The following GRM5 variants were observed in gnomAD, a reference collection of about 807,000 sequenced individuals.
GRM5 encodes metabotropic glutamate receptor 5.
In GRM5, 19 loss-of-function variants were observed where a neutral mutation model predicts 83.1. The ratio of observed to expected loss-of-function variants is 0.23; its 90% confidence interval spans 0.16 to 0.34. The LOEUF is 0.34. Ranked by LOEUF, GRM5 falls within the 10% of genes least tolerant of loss-of-function variation. The probability of loss-of-function intolerance (pLI) is 1.00; values close to 1 mark genes in which losing one functional copy is unlikely to be tolerated. For missense variants in GRM5, 1,160 were observed against 1,588.3 expected, an observed-to-expected ratio of 0.73 and a Z score of 4.58; for synonymous variants, 675 against 633.6, an observed-to-expected ratio of 1.07 and a Z score of -0.98.
intron 8 of GRM5, among the ~76,000 whole-genome samples, chr11:88,536,397 G>T (rs7944579): frequency 0.036 from 5,541 of 152,194 alleles, 352 homozygotes; most frequent in African/African-American, 0.12. Context: ...GTTCTTTCCA[G>T]CCACCATCTT....
rs373743176 is a variant in GRM5 at position 88,513,630 on chromosome 11, G to A, written c.2727-4126C>T. Among the ~76,000 whole-genome samples the A allele has an allele frequency of 1.9e-4, 29 of 152,096 alleles. No individual in the cohort carries two copies. The East Asian group carries it at 5.0e-3, about 26-fold the overall frequency. ...AATTGCTCAGTGGTGAAATCTCATC[G>A]AGGCAGTAGTGATAGTGGAAAGAAA... On this transcript the variant is annotated intron_variant, in intron 9 of 9. Transcript: ENST00000305447.
chr11:88,804,230 T>C (rs1220315475), intron 3 of GRM5, among the ~76,000 whole-genome samples: 12 of 147,110 alleles, frequency 8.2e-5, no homozygotes, highest in Non-Finnish European at 8.9e-5. Context: ...TAAAGACACA[T>C]GCACACGTAT....
intron 4 of GRM5, among the ~76,000 whole-genome samples, chr11:88,628,697 G>T (rs112963012): frequency 6.6e-6 from 1 of 152,208 alleles, no homozygotes; most frequent in Non-Finnish European, 1.5e-5. Context: ...GCAGGAGAAA[G>T]GTATATCAAG....
chr11:89,035,479 G>T (rs1380545319), intron 2 of GRM5, among the ~76,000 whole-genome samples: 1 of 151,774 alleles, frequency 6.6e-6, no homozygotes, highest in East Asian at 1.9e-4. Flanking sequence ...TGAAAAGAGG[G>T]TATATAACCA....
chr11:88,666,931 T>C (rs1940059173), intron 3 of GRM5, among the ~76,000 whole-genome samples: 1 of 152,094 alleles, frequency 6.6e-6, no homozygotes, highest in Non-Finnish European at 1.5e-5. Flanking sequence ...AATGAAATGA[T>C]TGAAAACCAG....
chr11:88,879,467 G>A (rs1210305179), intron 2 of GRM5, among the ~76,000 whole-genome samples: 1 of 151,520 alleles, frequency 6.6e-6, no homozygotes, highest in South Asian at 2.1e-4. Context: ...GGCAATGCTA[G>A]TAGAAAAATG....
chr11:88,978,136 G>A (rs1206751015), intron 2 of GRM5, among the ~76,000 whole-genome samples: 4 of 152,044 alleles, frequency 2.6e-5, no homozygotes, highest in African/African-American at 9.7e-5. Context: ...TAAGTCCTAG[G>A]TATTTACTGT....
chr11:88,730,034 T>C (rs978930149), intron 3 of GRM5, among the ~76,000 whole-genome samples: 2 of 151,980 alleles, frequency 1.3e-5, no homozygotes, highest in Non-Finnish European at 2.9e-5. Flanking sequence ...ACAAATGGGA[T>C]CTAATTAAAC....
chr11:88,593,473 C>G (rs968021185), intron 6 of GRM5, among the ~76,000 whole-genome samples: 1 of 151,764 alleles, frequency 6.6e-6, no homozygotes, highest in Non-Finnish European at 1.5e-5. Context: ...GTCAGCAGAT[C>G]GAGACCATCC....
chr11:88,653,293 T>A lies in GRM5; in HGVS notation c.1022A>T (p.Tyr341Phe). The A allele has an allele frequency of 1.2e-6, 2 of 1,613,226 alleles. No individual in the cohort carries two copies. Among genetic ancestry groups the A allele is most frequent in the Non-Finnish European group, 1.7e-6 (2 of 1,179,408 alleles). ...SPDVKWFDDYYLKLRPETNHR... is the reference protein window; with the variant it reads ...SPDVKWFDDYFLKLRPETNHR... Reference sequence around the variant, plus strand: ...GTTTGTTTCTGGCCGGAGCTTCAGATAATAATCATCAAACCACTTGACATC... The same window carrying A: ...GTTTGTTTCTGGCCGGAGCTTCAGAAAATAATCATCAAACCACTTGACATC... Residue 341 changes from tyrosine (Y) to phenylalanine (F), a missense_variant, in exon 4 of 10, where the codon TAT (tyrosine) becomes TTT (phenylalanine). By Grantham distance (22) the Tyr-to-Phe change is conservative. Transcript: ENST00000305447.
At chr11:88,843,565 C>T (rs1944244100) in intron 3 of GRM5, among the ~76,000 whole-genome samples, 1 of 152,088 alleles carries the variant, frequency 6.6e-6, no homozygotes, top group Non-Finnish European at 1.5e-5. Flanking sequence ...CCTAGAGACA[C>T]AACAGTATTG....
At chr11:88,999,259 G>A in intron 2 of GRM5, among the ~76,000 whole-genome samples, 1 of 152,188 alleles carries the variant, frequency 6.6e-6, no homozygotes, top group East Asian at 1.9e-4. Context: ...AAACTAAAGA[G>A]CTTCTGCACA....
intron 3 of GRM5, among the ~76,000 whole-genome samples, chr11:88,722,579 A>C (rs1229976295): frequency 6.6e-6 from 1 of 152,134 alleles, no homozygotes; most frequent in Admixed American, 6.5e-5. Context: ...CAATCTTTAT[A>C]TACTAAGACA....
intron 4 of GRM5, among the ~76,000 whole-genome samples, chr11:88,641,771 G>T (rs1939300498): frequency 6.6e-6 from 1 of 152,192 alleles, no homozygotes; most frequent in Admixed American, 6.5e-5. Flanking sequence ...TGCAAGGGGT[G>T]GGCTCCCACG....
At chr11:89,048,579 A>G (rs571551855) in intron 1 of GRM5, among the ~76,000 whole-genome samples, 10 of 152,376 alleles carry the variant, frequency 6.6e-5, no homozygotes, top group African/African-American at 2.4e-4. Context: ...CTTTTCAAAA[A>G]TACCTCACAT....
chr11:89,036,698 G>T, intron 2 of GRM5, among the ~76,000 whole-genome samples: 1 of 78,452 alleles, frequency 1.3e-5, no homozygotes, highest in Non-Finnish European at 2.6e-5. Context: ...CAACTAGCAA[G>T]ACTATTAATC....
chr11:89,035,198 A>C (rs113306888), intron 2 of GRM5, among the ~76,000 whole-genome samples: 17 of 151,782 alleles, frequency 1.1e-4, no homozygotes, highest in Non-Finnish European at 2.2e-4. Flanking sequence ...TTCCATAAAA[A>C]CATATTGTCA....
chr11:88,667,593 T>C (rs923095791), intron 3 of GRM5, among the ~76,000 whole-genome samples: 7 of 152,012 alleles, frequency 4.6e-5, no homozygotes, highest in African/African-American at 1.7e-4. Context: ...AAAAAAAGTA[T>C]AGTAGAAAGA....
chr11:89,052,269 T>G (rs1941777172), intron 1 of GRM5, among the ~76,000 whole-genome samples: 1 of 152,104 alleles, frequency 6.6e-6, no homozygotes, highest in African/African-American at 2.4e-5. Context: ...ATATTTAGAA[T>G]GCATGAAATC....
Sources: gnomAD v4.1 joint callset for allele counts (sites outside exome capture counted in the v4.1 genomes callset) on GRCh38, gnomAD v4.1.1 for gene constraint, MANE v1.5 for transcripts, NCBI Gene and HGNC (gene_info 2026-07-23, HGNC 2026-07-21) for gene names.